HOXC4: variants seen among roughly 807,000 people sequenced by gnomAD.
HOXC4 encodes the protein homeobox C4.
HOXC4 carries 15 observed loss-of-function variants against 25.5 expected under a neutral mutation model. That is an observed-to-expected ratio of 0.59 (90% CI 0.39 to 0.91). The LOEUF is 0.91. HOXC4 is among the 40% of genes least tolerant of loss of function. The pLI, the probability that HOXC4 is intolerant of heterozygous loss-of-function variation, is 0.00. For missense variants in HOXC4, 342 were observed against 352.4 expected (o/e 0.97, Z 0.24); for synonymous variants, 165 against 148.0 (o/e 1.11, Z -0.83).
upstream of HOXC4, among the ~76,000 whole-genome samples, chr12:54,052,563 C>T (rs1937869807): frequency 8.2e-6 from 1 of 121,778 alleles, no homozygotes; most frequent in Non-Finnish European, 1.7e-5. Context: ...CAGGACCACC[C>T]CTAGCTGGGG....
intron 1 of HOXC4, among the ~76,000 whole-genome samples, chr12:54,023,060 T>G (rs1940521994): frequency 6.6e-6 from 1 of 152,208 alleles, no homozygotes; most frequent in Non-Finnish European, 1.5e-5. Flanking sequence ...CCCCCTCAAG[T>G]GTCCCTAGGC....
chr12:54,027,121 C>A (rs1371841807), intron 1 of HOXC4, among the ~76,000 whole-genome samples: 4 of 152,248 alleles, frequency 2.6e-5, no homozygotes, highest in African/African-American at 9.6e-5. Flanking sequence ...TGTTTCAGTT[C>A]GCCTACTGCG....
At chr12:54,026,881 A>C (rs1290342249) in intron 1 of HOXC4, among the ~76,000 whole-genome samples, 3 of 152,060 alleles carry the variant, frequency 2.0e-5, no homozygotes, top group African/African-American at 7.2e-5. Flanking sequence ...TTTGTTACAC[A>C]GAAGGAAAAG....
intron 1 of HOXC4, chr12:54,034,517 C>T (rs753862316): frequency 6.3e-7 from 1 of 1,590,734 alleles, no homozygotes; most frequent in South Asian, 1.1e-5. Flanking sequence ...GCCCGCAGAG[C>T]GCGCCCCTAG....
chr12:54,023,537 G>A (rs1330832301), intron 1 of HOXC4, among the ~76,000 whole-genome samples: 3 of 152,074 alleles, frequency 2.0e-5, no homozygotes, highest in Non-Finnish European at 2.9e-5. Flanking sequence ...CTCAAAAGAG[G>A]AATCACCAGC....
chr12:54,043,918 C>CTGTGTGTGTGTGTG (rs71444829), intron 1 of HOXC4, among the ~76,000 whole-genome samples: 1 of 127,272 alleles, frequency 7.9e-6, no homozygotes, highest in Non-Finnish European at 1.6e-5. Context: ...AAAACACAGG[C>CTGTGTGTGTGTGTG]TGTGTGTGTG....
Position 54,029,967 on chromosome 12 carries a change from G to T in HOXC4, c.-124+12553G>T. 1.9e-6 allele frequency: 3 copies of T among 1,538,792 alleles called. No individual in the cohort carries two copies. The South Asian group carries it at 3.7e-5, about 19-fold the overall frequency. On this transcript the variant is annotated intron_variant, in intron 1 of 3. Coordinates refer to the HOXC4 transcript ENST00000303406. ...GAGGAGAAGCAGAAAGAGTGACCAG[G>T]ACTGTCCCTGCCACCCCTCTCTCCC...
chr12:54,023,050 C>T (rs576798092), intron 1 of HOXC4, among the ~76,000 whole-genome samples: 35 of 152,268 alleles, frequency 2.3e-4, no homozygotes, highest in African/African-American at 8.4e-4. Context: ...CTTGCTTTGC[C>T]CCCCTCAAGT....
chr12:54,054,263 C>G lies in HOXC4; in HGVS notation c.341C>G (p.Pro114Arg). ...GCCTCCGCCTCCCCGTCCCCAGCCC[C>G]GCCAGCCTGCAGCCAGCCAGCCCCC... ...SGASASPSPAPPACSQPAPDH... is the reference protein window; with the variant it reads ...SGASASPSPARPACSQPAPDH... Residue 114 changes from proline (P) to arginine (R), a missense_variant, in exon 1 of 2, where the codon CCG becomes CGG. Physicochemically the swap from Pro to Arg is moderately radical, Grantham distance 103. Transcript: ENST00000430889. 1 of 1,610,472 alleles carries G rather than the reference C, an allele frequency of 6.2e-7. No individual in the cohort carries two copies. Among genetic ancestry groups the G allele is most frequent in the Non-Finnish European group, 8.5e-7 (1 of 1,178,430 alleles).
intron 1 of HOXC4, chr12:54,022,542 T>G (rs1740538977): frequency 6.6e-6 from 1 of 152,188 alleles, no homozygotes; most frequent in South Asian, 2.1e-4. Flanking sequence ...CCAGCACAGA[T>G]TAAATGGTTC....
rs190442102 is a variant in HOXC4 at position 54,027,606 on chromosome 12, T to G, written c.-124+10192T>G. Among the ~76,000 whole-genome samples, 11 of 152,094 alleles carry G rather than the reference T, an allele frequency of 7.2e-5. No individual in the cohort carries two copies. The East Asian group carries it at 2.1e-3, about 29-fold the overall frequency. On this transcript the variant is annotated intron_variant, in intron 1 of 3. Transcript: ENST00000303406. ...CTTTCCCCCTCCGGTGCCACCTCCC[T>G]ACATTTTACTTCTTTTTCTCCTTTT...
chr12:54,031,896 C>G (rs1941002349), intron 1 of HOXC4, among the ~76,000 whole-genome samples: 2 of 152,202 alleles, frequency 1.3e-5, no homozygotes, highest in Non-Finnish European at 2.9e-5. Context: ...CTCTTGGTAG[C>G]TCAGAAATTG....
chr12:54,028,273 T>A (rs1482706671), intron 1 of HOXC4: 3 of 249,976 alleles, frequency 1.2e-5, no homozygotes, highest in African/African-American at 6.8e-5. Flanking sequence ...ATATATTTTT[T>A]AAAAGAAATC....
chr12:54,018,180 G>A (rs1940250200), intron 1 of HOXC4, among the ~76,000 whole-genome samples: 1 of 152,218 alleles, frequency 6.6e-6, no homozygotes, highest in African/African-American at 2.4e-5. Context: ...GGGGGATGCT[G>A]TACTCAAAAG....
chr12:54,035,823 C>T (rs1941173591), intron 1 of HOXC4, among the ~76,000 whole-genome samples: 1 of 152,096 alleles, frequency 6.6e-6, no homozygotes, highest in East Asian at 1.9e-4. Flanking sequence ...CCCATTTGGT[C>T]TCATAAGGGC....
chr12:54,052,679 A>C (rs1592249169), upstream of HOXC4, among the ~76,000 whole-genome samples: 4 of 151,702 alleles, frequency 2.6e-5, no homozygotes, highest in South Asian at 8.3e-4. Flanking sequence ...TGGCAGAGAG[A>C]GAGCAGGGGG....
chr12:54,049,571 T>C (rs1482782781), upstream of HOXC4, among the ~76,000 whole-genome samples: 2 of 151,486 alleles, frequency 1.3e-5, no homozygotes, highest in Non-Finnish European at 1.5e-5. Context: ...TATAAGCGAT[T>C]CCAGGAGAAG....
chr12:54,047,738 A>G (rs997257796), intron 1 of HOXC4: 1 of 152,198 alleles, frequency 6.6e-6, no homozygotes, highest in Non-Finnish European at 1.5e-5. Flanking sequence ...GGAAGTTTAT[A>G]ACACATCGCT....
At chr12:54,018,544 T>C (rs1472881832) in intron 1 of HOXC4, among the ~76,000 whole-genome samples, 2 of 152,220 alleles carry the variant, frequency 1.3e-5, no homozygotes, top group Non-Finnish European at 2.9e-5. Flanking sequence ...TGGCCTGTTG[T>C]ATAGTCTTAA....
Sources: allele counts gnomAD v4.1 joint callset (sites outside exome capture counted in the v4.1 genomes callset), GRCh38; gene constraint gnomAD v4.1.1; transcripts MANE v1.5; gene names NCBI Gene and HGNC (gene_info 2026-07-23, HGNC 2026-07-21).